The following GRIP1 variants were observed in gnomAD, a reference collection of about 807,000 sequenced individuals.
GRIP1 encodes the protein glutamate receptor-interacting protein 1.
GRIP1 carries 45 observed loss-of-function variants against 129.9 expected under a neutral mutation model. The ratio of observed to expected loss-of-function variants is 0.35; its 90% CI spans 0.27 to 0.44. GRIP1 has a LOEUF of 0.44. Among genes scored for constraint, GRIP1 ranks in the 20% least tolerant of loss-of-function variants. GRIP1 has a pLI of 1.00. For missense variants in GRIP1, 1,196 were observed against 1,396.8 expected, an observed-to-expected ratio of 0.86 and a Z score of 2.29; for synonymous variants, 530 against 520.8, an observed-to-expected ratio of 1.02 and a Z score of -0.24.
chr12:66,924,768 C>T (rs1428459517), intron 1 of GRIP1, among the ~76,000 whole-genome samples: 2 of 152,096 alleles, frequency 1.3e-5, no homozygotes, highest in Non-Finnish European at 2.9e-5. Flanking sequence ...GAGATCGAGA[C>T]CATCCTGGCT....
intron 1 of GRIP1, among the ~76,000 whole-genome samples, chr12:66,802,330 T>C (rs909455547): frequency 6.6e-6 from 1 of 152,160 alleles, no homozygotes; most frequent in African/African-American, 2.4e-5. Context: ...CAGTTTCATA[T>C]CTAAAGGAAA....
chr12:66,855,984 TA>T lies in GRIP1; in HGVS notation c.58+213065del, dbSNP rs77216441. On this transcript the variant is annotated intron_variant, in intron 1 of 1. Transcript: ENST00000643019. ...CAGAGTTTTTCTAAATAATAAAAATTAAAAAAAAGGGATAGTTGAATCTCAG... is the reference window on the plus strand; with the variant it reads ...CAGAGTTTTTCTAAATAATAAAAATTAAAAAAAGGGATAGTTGAATCTCAG... Among the ~76,000 whole-genome samples the T allele has an allele frequency of 8.3e-4, 125 of 151,506 alleles. 3 individuals carry two copies. The Middle Eastern group carries it at 0.017, about 21-fold the overall frequency.
At chr12:66,971,018 C>T (rs2042068002) in intron 1 of GRIP1, among the ~76,000 whole-genome samples, 2 of 152,096 alleles carry the variant, frequency 1.3e-5, no homozygotes, top group African/African-American at 2.4e-5. Flanking sequence ...GACGGGTTTC[C>T]GGGAGGTAAA....
At chr12:67,051,048 A>G (rs1464350868) in intron 1 of GRIP1, among the ~76,000 whole-genome samples, 2 of 152,140 alleles carry the variant, frequency 1.3e-5, no homozygotes, top group African/African-American at 4.8e-5. Context: ...AACGGAGGAG[A>G]GACAGACCAG....
chr12:66,806,473 T>G (rs2038995763), upstream of GRIP1, among the ~76,000 whole-genome samples: 1 of 152,174 alleles, frequency 6.6e-6, no homozygotes, highest in Non-Finnish European at 1.5e-5. Context: ...CAATAAATTT[T>G]ACGCAACTAC....
At chr12:66,715,993 C>A (rs2035875722) in intron 1 of GRIP1, among the ~76,000 whole-genome samples, 1 of 151,942 alleles carries the variant, frequency 6.6e-6, no homozygotes, top group South Asian at 2.1e-4. Flanking sequence ...TTTATTTATA[C>A]CCATTTCTGC....
At chr12:66,382,121 T>C (rs910390255) in intron 19 of GRIP1, among the ~76,000 whole-genome samples, 1 of 152,102 alleles carries the variant, frequency 6.6e-6, no homozygotes, top group African/African-American at 2.4e-5. Context: ...TGCCAGCTAC[T>C]TGGGGGGCTG....
At chr12:66,884,325 C>T (rs377148798) in intron 1 of GRIP1, among the ~76,000 whole-genome samples, 2 of 152,210 alleles carry the variant, frequency 1.3e-5, no homozygotes, top group African/African-American at 4.8e-5. Flanking sequence ...GAGAAATTGC[C>T]CTCTCCAGCC....
At position 67,004,013 on chromosome 12, in the gene GRIP1, G is replaced by A. The variant is rs73133696; in HGVS notation, c.58+65037C>T. ...TTTTGGCAGCATCATTCTAACTGAT[G>A]CCTCCGTCTTCACATCACCTTCTCC... On this transcript the variant is annotated intron_variant, in intron 1 of 1. Transcript: ENST00000643019. Among the ~76,000 whole-genome samples the A allele has an allele frequency of 6.2e-3, 938 of 152,222 alleles. 5 individuals are homozygous for A. The highest frequency in any genetic ancestry group is 0.011 in the Non-Finnish European group (746 of 68,018).
At chr12:66,446,094 G>GCCCCCCC (rs1555185775) in intron 11 of GRIP1, among the ~76,000 whole-genome samples, 3 of 140,398 alleles carry the variant, frequency 2.1e-5, no homozygotes, top group Non-Finnish European at 3.0e-5. Context: ...CATTCCTCCT[G>GCCCCCCC]CCGCCCCCCA....
intron 13 of GRIP1, among the ~76,000 whole-genome samples, chr12:66,439,545 T>C (rs759525612): frequency 6.6e-6 from 1 of 151,574 alleles, no homozygotes; most frequent in Non-Finnish European, 1.5e-5. Context: ...GTGCTGCAGG[T>C]GTGGCCTTTG....
intron 1 of GRIP1, among the ~76,000 whole-genome samples, chr12:66,986,726 C>T (rs950496801): frequency 6.9e-6 from 1 of 144,520 alleles, no homozygotes; most frequent in African/African-American, 2.5e-5. Flanking sequence ...ATACCTAATG[C>T]TAAATGACGA....
At chr12:66,640,703 C>A (rs547008552) in intron 1 of GRIP1, among the ~76,000 whole-genome samples, 1 of 152,162 alleles carries the variant, frequency 6.6e-6, no homozygotes, top group African/African-American at 2.4e-5. Context: ...CACACACAAG[C>A]ATAAAAAAAC....
At chr12:66,503,727 A>G (rs1054997998) in intron 7 of GRIP1, among the ~76,000 whole-genome samples, 1 of 152,170 alleles carries the variant, frequency 6.6e-6, no homozygotes, top group Admixed American at 6.5e-5. Context: ...AGCTGAAAGA[A>G]ACAATCAGAG....
At chr12:66,660,716 G>A (rs972321203) in intron 1 of GRIP1, among the ~76,000 whole-genome samples, 1 of 152,010 alleles carries the variant, frequency 6.6e-6, no homozygotes, top group Non-Finnish European at 1.5e-5. Context: ...AGAAGCCTAC[G>A]TTATTAGTTT....
chr12:66,358,053 C>T (rs1238150017), intron 23 of GRIP1, among the ~76,000 whole-genome samples: 1 of 152,130 alleles, frequency 6.6e-6, no homozygotes, highest in African/African-American at 2.4e-5. Flanking sequence ...GCCCCTACGC[C>T]CGGCTAATGT....
chr12:66,657,755 C>T (rs574127073), intron 1 of GRIP1, among the ~76,000 whole-genome samples: 1 of 152,228 alleles, frequency 6.6e-6, no homozygotes, highest in African/African-American at 2.4e-5. Context: ...TCCCGCATAT[C>T]TAGCATGAAC....
At chr12:66,480,332 T>C (rs1180469934) in intron 7 of GRIP1, among the ~76,000 whole-genome samples, 2 of 151,978 alleles carry the variant, frequency 1.3e-5, no homozygotes, top group Non-Finnish European at 2.9e-5. Flanking sequence ...GTGAATAAAA[T>C]ACATAGGAAT....
intron 1 of GRIP1, among the ~76,000 whole-genome samples, chr12:66,852,370 A>T (rs1349748028): frequency 6.6e-6 from 1 of 151,958 alleles, no homozygotes; most frequent in Non-Finnish European, 1.5e-5. Context: ...CAAACTTTTT[A>T]AAAATGTCAT....
Sources: allele counts gnomAD v4.1 joint callset (sites outside exome capture counted in the v4.1 genomes callset), GRCh38; gene constraint gnomAD v4.1.1; transcripts MANE v1.5; gene names NCBI Gene and HGNC (gene_info 2026-07-23, HGNC 2026-07-21).